Variants in CFAP95 observed in about 807,000 individuals in gnomAD.
The protein encoded by CFAP95 is cilia and flagella associated protein 95, also known as cilia- and flagella-associated protein 95.
the CFAP95 span, among the ~76,000 whole-genome samples, chr9:69,905,160 T>C: frequency 6.6e-6 from 1 of 152,114 alleles, no homozygotes; most frequent in Non-Finnish European, 1.5e-5. Flanking sequence ...TATATGATGA[T>C]AATTTTCAAT....
the CFAP95 span, among the ~76,000 whole-genome samples, chr9:69,877,114 A>G: frequency 6.6e-6 from 1 of 152,206 alleles, no homozygotes; most frequent in African/African-American, 2.4e-5. Flanking sequence ...TATACGTAAT[A>G]TACATGTAAT....
chr9:69,821,154 G>A, the CFAP95 span: 18 of 1,082,468 alleles, frequency 1.7e-5, no homozygotes, highest in African/African-American at 3.2e-5. Flanking sequence ...CAGAGGAAAC[G>A]GAAAAAAGAA....
the CFAP95 span, among the ~76,000 whole-genome samples, chr9:69,846,833 C>T: frequency 6.6e-6 from 1 of 152,170 alleles, no homozygotes; most frequent in Non-Finnish European, 1.5e-5. Context: ...AGAATCTGGG[C>T]CACCTAGGCA....
the CFAP95 span, among the ~76,000 whole-genome samples, chr9:69,872,667 C>G: frequency 1.4e-4 from 21 of 152,212 alleles, no homozygotes; most frequent in African/African-American, 5.1e-4. Flanking sequence ...TACCCACTAG[C>G]TTCTTAGAAA....
chr9:69,861,730 CA>C, the CFAP95 span, among the ~76,000 whole-genome samples: 19,520 of 86,750 alleles, frequency 0.23, 1,097 homozygotes, highest in Middle Eastern at 0.41. Context: ...TCTTATGAGT[CA>C]AAAAAAAAAA....
chr9:69,906,110 A>G, the CFAP95 span: 1 of 1,608,550 alleles, frequency 6.2e-7, no homozygotes, highest in Non-Finnish European at 8.5e-7. Flanking sequence ...CTATCCCTTG[A>G]CTAGTGGGCC....
chr9:69,872,251 T>C, the CFAP95 span, among the ~76,000 whole-genome samples: 1 of 152,230 alleles, frequency 6.6e-6, no homozygotes, highest in African/African-American at 2.4e-5. Flanking sequence ...GTGCTCTATA[T>C]CTTTCAGAGT....
At chr9:69,905,965 T>A in the CFAP95 span, 1 of 1,604,688 alleles carries the variant, frequency 6.2e-7, no homozygotes, top group Non-Finnish European at 8.5e-7. Flanking sequence ...CTTATCCCTG[T>A]CAAGATGATT....
At chr9:69,870,460 G>A in the CFAP95 span, among the ~76,000 whole-genome samples, 48 of 152,314 alleles carry the variant, frequency 3.2e-4, no homozygotes, top group South Asian at 6.2e-4. Flanking sequence ...AAACAATGTC[G>A]TCAAGAATTT....
At chr9:69,821,064 C>G in the CFAP95 span, 4 of 1,603,558 alleles carry the variant, frequency 2.5e-6, no homozygotes, top group African/African-American at 5.4e-5. Context: ...TTCCCGGGTG[C>G]TGCGGGGAGG....
At chr9:69,894,508 C>T in the CFAP95 span, among the ~76,000 whole-genome samples, 1 of 152,138 alleles carries the variant, frequency 6.6e-6, no homozygotes, top group Non-Finnish European at 1.5e-5. Flanking sequence ...TATTGTCTAC[C>T]ATGTTCCAGG....
the CFAP95 span, among the ~76,000 whole-genome samples, chr9:69,841,036 T>C: frequency 6.6e-6 from 1 of 151,422 alleles, no homozygotes; most frequent in African/African-American, 2.4e-5. Flanking sequence ...GTAGGATCAT[T>C]AGGGCCACAT....
chr9:69,857,792 T>C, the CFAP95 span: 15 of 836,138 alleles, frequency 1.8e-5, no homozygotes, highest in African/African-American at 1.9e-4. Flanking sequence ...CCTCCCAAAG[T>C]TCTGGGATTA....
chr9:69,850,518 C>T, the CFAP95 span, among the ~76,000 whole-genome samples: 20 of 151,988 alleles, frequency 1.3e-4, no homozygotes, highest in South Asian at 4.2e-4. Flanking sequence ...GGGATACAAA[C>T]GATATAATTA....
At chr9:69,844,405 A>G in the CFAP95 span, 3 of 583,966 alleles carry the variant, frequency 5.1e-6, no homozygotes, top group Non-Finnish European at 2.9e-6. Context: ...TAATAAATTT[A>G]TACTTAATAC....
chr9:69,853,475 T>C, the CFAP95 span, among the ~76,000 whole-genome samples: 1 of 152,228 alleles, frequency 6.6e-6, no homozygotes, highest in Non-Finnish European at 1.5e-5. Flanking sequence ...GTAAATTAAA[T>C]GGAAATTTTA....
At chr9:69,837,338 G>C in the CFAP95 span, among the ~76,000 whole-genome samples, 2 of 151,908 alleles carry the variant, frequency 1.3e-5, no homozygotes, top group Non-Finnish European at 2.9e-5. Context: ...CTAGTTTACA[G>C]TCCCACCAAC....
At chr9:69,878,252 C>G in the CFAP95 span, among the ~76,000 whole-genome samples, 9 of 152,190 alleles carry the variant, frequency 5.9e-5, no homozygotes, top group Non-Finnish European at 1.2e-4. Context: ...TTCCCAGAAG[C>G]AGTGTCTTCC....
chr9:69,860,276 C>T, the CFAP95 span, among the ~76,000 whole-genome samples: 344 of 152,170 alleles, frequency 2.3e-3, 3 homozygotes, highest in African/African-American at 7.6e-3. Context: ...CCTCAGGAAG[C>T]TTTTACTCAT....
Sources: gnomAD v4.1 joint callset for allele counts (sites outside exome capture counted in the v4.1 genomes callset) on GRCh38, gnomAD v4.1.1 for gene constraint, MANE v1.5 for transcripts, NCBI Gene and HGNC (gene_info 2026-07-23, HGNC 2026-07-21) for gene names.